SYT16: variants seen among roughly 807,000 people sequenced by gnomAD.
SYT16 encodes synaptotagmin 16, also known as synaptotagmin-16.
SYT16 carries 42 observed loss-of-function variants against 61.4 expected under a neutral mutation model. The ratio of observed to expected loss-of-function variants is 0.68; its 90% CI spans 0.53 to 0.89. The LOEUF (loss-of-function observed/expected upper bound fraction) is 0.89, where lower values mean the gene tolerates loss of function less well. Among genes scored for constraint, SYT16 ranks in the 40% least tolerant of loss-of-function variants. The probability of loss-of-function intolerance (pLI) is 0.00; values close to 1 mark genes in which losing one functional copy is unlikely to be tolerated. For synonymous variants in SYT16, 314 were observed against 302.3 expected (o/e 1.04, Z -0.40); for missense variants, 804 against 807.3 (o/e 1.00, Z 0.05).
intron 1 of SYT16, among the ~76,000 whole-genome samples, chr14:61,837,734 A>C (rs1311059703): frequency 6.6e-6 from 1 of 152,196 alleles, no homozygotes. Context: ...TGTGCATTCC[A>C]GAACAGCCAC....
intron 1 of SYT16, among the ~76,000 whole-genome samples, chr14:61,963,418 G>T (rs2051189484): frequency 6.6e-6 from 1 of 152,198 alleles, no homozygotes; most frequent in Admixed American, 6.5e-5. Flanking sequence ...CTGATATGGA[G>T]AAGGTTTTAG....
At chr14:61,963,935 G>C (rs2051208089) in intron 1 of SYT16, among the ~76,000 whole-genome samples, 1 of 152,168 alleles carries the variant, frequency 6.6e-6, no homozygotes, top group Non-Finnish European at 1.5e-5. Flanking sequence ...ACAAAGCCTG[G>C]ATGACAGCAC....
intron 1 of SYT16, among the ~76,000 whole-genome samples, chr14:61,896,201 G>A (rs2048320498): frequency 6.6e-6 from 1 of 151,890 alleles, no homozygotes; most frequent in Admixed American, 6.6e-5. Context: ...TTGCTTATAT[G>A]GGCAAGAACC....
At chr14:62,086,496 A>G (rs2056890564) in intron 7 of SYT16, among the ~76,000 whole-genome samples, 1 of 144,808 alleles carries the variant, frequency 6.9e-6, no homozygotes, top group Non-Finnish European at 1.6e-5. Context: ...ACAAACAACA[A>G]CAAACAAACA....
intron 2 of SYT16, among the ~76,000 whole-genome samples, chr14:61,981,758 A>G (rs543630574): frequency 3.3e-5 from 5 of 152,170 alleles, no homozygotes; most frequent in African/African-American, 7.2e-5. Flanking sequence ...GGAGGGAACT[A>G]GAAGTCATTT....
At chr14:62,065,023 TTATAATC>T (rs1219663757) in intron 3 of SYT16, among the ~76,000 whole-genome samples, 1 of 152,158 alleles carries the variant, frequency 6.6e-6, no homozygotes, top group African/African-American at 2.4e-5. Context: ...GTGGATGTGT[TTATAATC>T]CCACAAGGAA....
intron 1 of SYT16, among the ~76,000 whole-genome samples, chr14:61,948,268 T>G (rs1263202831): frequency 6.6e-6 from 1 of 152,162 alleles, no homozygotes; most frequent in Non-Finnish European, 1.5e-5. Flanking sequence ...TTCAGCCATG[T>G]TCGTGAAATC....
At chr14:61,827,397 C>T (rs1424963898) in intron 1 of SYT16, among the ~76,000 whole-genome samples, 1 of 152,202 alleles carries the variant, frequency 6.6e-6, no homozygotes, top group Non-Finnish European at 1.5e-5. Flanking sequence ...ATATCCTTCT[C>T]ATCTTCCAAA....
At chr14:61,992,863 T>C (rs2052611299) in intron 2 of SYT16, among the ~76,000 whole-genome samples, 1 of 152,108 alleles carries the variant, frequency 6.6e-6, no homozygotes, top group Admixed American at 6.6e-5. Flanking sequence ...CAAACATAAA[T>C]GAGTAGTGAT....
chr14:61,960,895 G>A (rs1278352396), intron 1 of SYT16, among the ~76,000 whole-genome samples: 1 of 152,106 alleles, frequency 6.6e-6, no homozygotes, highest in African/African-American at 2.4e-5. Flanking sequence ...AACCAAAACA[G>A]CATGGTATTG....
chr14:62,097,442 C>A (rs1422045693), intron 7 of SYT16, among the ~76,000 whole-genome samples: 1 of 152,192 alleles, frequency 6.6e-6, no homozygotes, highest in Non-Finnish European at 1.5e-5. Flanking sequence ...TAGAGTCTTT[C>A]TCCATTCAGT....
intron 1 of SYT16, among the ~76,000 whole-genome samples, chr14:61,968,633 C>G (rs61993176): frequency 6.6e-6 from 1 of 152,198 alleles, no homozygotes. Flanking sequence ...AGTGCCACAT[C>G]AATTACTTTC....
At chr14:62,005,455 C>T (rs767984598) in intron 3 of SYT16, among the ~76,000 whole-genome samples, 5 of 152,152 alleles carry the variant, frequency 3.3e-5, no homozygotes, top group African/African-American at 7.2e-5. Flanking sequence ...CTGTACTTCT[C>T]AGTCTTCTGA....
At chr14:61,848,459 A>G (rs982226099) in intron 1 of SYT16, among the ~76,000 whole-genome samples, 2 of 152,128 alleles carry the variant, frequency 1.3e-5, no homozygotes, top group Non-Finnish European at 2.9e-5. Flanking sequence ...GCAGTCTGGA[A>G]GTGGAGGACA....
chr14:62,100,636 G>A lies in SYT16; in HGVS notation c.1867G>A (p.Asp623Asn). The A allele has an allele frequency of 6.2e-7, 1 of 1,613,866 alleles. No homozygotes were observed. Among genetic ancestry groups the A allele is most frequent in the South Asian group, 1.1e-5 (1 of 91,076 alleles). ...GQNSSGEEEQDHWEEMKETKG... is the reference protein window; with the variant it reads ...GQNSSGEEEQNHWEEMKETKG... ...GAACAGCAGTGGAGAGGAGGAACAA[G>A]ATCACTGGGAGGAGATGAAGGAAAC... Residue 623 changes from aspartate (D) to asparagine (N), a missense_variant, in exon 8 of 8, where the codon GAT becomes AAT. Transcript: ENST00000683842.
intron 1 of SYT16, among the ~76,000 whole-genome samples, chr14:61,957,365 A>G (rs1282922146): frequency 6.6e-6 from 1 of 151,780 alleles, no homozygotes. Context: ...AGCTCATAGT[A>G]TGGTCATCCT....
At chr14:61,894,732 G>T (rs2048266912) in intron 1 of SYT16, among the ~76,000 whole-genome samples, 1 of 152,150 alleles carries the variant, frequency 6.6e-6, no homozygotes, top group South Asian at 2.1e-4. Flanking sequence ...GCACACTCAA[G>T]AATCACTTCA....
At position 61,996,235 on chromosome 14, in the gene SYT16, A is replaced by C. The variant is rs1367023970; in HGVS notation, c.216A>C (p.Gln72His). 1.9e-6 allele frequency: 3 copies of C among 1,613,650 alleles called. No homozygotes were observed. The highest frequency in any genetic ancestry group is 2.5e-6 in the Non-Finnish European group (3 of 1,179,654). The change falls in exon 3 of 8, where the codon CAA becomes CAC. Residue 72 changes from glutamine to histidine, a missense_variant. Physicochemically the swap from Gln to His is conservative, Grantham distance 24 (BLOSUM62 0). Transcript: ENST00000683842. ...AAACGTACTTTGAAGATGAAGAACA[A>C]GACAATGATTGGAGTCAAGAGGATG... ...IQETYFEDEEQDNDWSQEDAN... is the reference protein window; with the variant it reads ...IQETYFEDEEHDNDWSQEDAN...
chr14:62,043,633 T>C (rs1198829669), intron 3 of SYT16, among the ~76,000 whole-genome samples: 1 of 152,142 alleles, frequency 6.6e-6, no homozygotes, highest in Non-Finnish European at 1.5e-5. Flanking sequence ...GGTCTTGATC[T>C]CTTGACTTCG....
Sources: allele counts gnomAD v4.1 joint callset (sites outside exome capture counted in the v4.1 genomes callset), GRCh38; gene constraint gnomAD v4.1.1; transcripts MANE v1.5; gene names NCBI Gene and HGNC (gene_info 2026-07-23, HGNC 2026-07-21).